The following PXK variants were observed in gnomAD, a reference collection of about 807,000 sequenced individuals.
The protein encoded by PXK is PX domain containing serine/threonine kinase like.
A neutral mutation model predicts 84.7 loss-of-function variants in PXK; 35 were observed. The observed-to-expected ratio is 0.41, with a 90% confidence interval of 0.32 to 0.55. PXK has a LOEUF of 0.55. Ranked by LOEUF, PXK falls within the 20% of genes least tolerant of loss-of-function variation. The probability of loss-of-function intolerance (pLI) is 0.21; values close to 1 mark genes in which losing one functional copy is unlikely to be tolerated. For synonymous variants in PXK, 253 were observed against 260.8 expected, an observed-to-expected ratio of 0.97 and a Z score of 0.29; for missense variants, 634 against 699.7, an observed-to-expected ratio of 0.91 and a Z score of 1.06.
chr3:58,366,312 A>T (rs1340456850), intron 2 of PXK, among the ~76,000 whole-genome samples: 3 of 152,132 alleles, frequency 2.0e-5, no homozygotes, highest in Non-Finnish European at 1.5e-5. Context: ...AGTTTGGGCC[A>T]CTACATTTTA....
intron 1 of PXK, among the ~76,000 whole-genome samples, chr3:58,351,850 G>A (rs1246092191): frequency 1.3e-5 from 2 of 152,102 alleles, no homozygotes; most frequent in South Asian, 2.1e-4. Flanking sequence ...TGCTGCCACC[G>A]TCTTCTGTGC....
chr3:58,364,079 A>C lies in PXK; in HGVS notation c.103-1795A>C, dbSNP rs543272066. The stretch of plus-strand genomic sequence containing the variant: ...TGGTGAACCAGCCTTGAGTCCCTAG[A>C]ATGAGACCCACTTGGTCATGGTATA... On this transcript the variant is annotated intron_variant, in intron 1 of 17. Transcript: ENST00000356151. This position sits in a 1 kb window ranked among gnomAD's most constrained non-coding sequence, Gnocchi z 4.3. Among the ~76,000 whole-genome samples, 2 of 152,200 alleles carry C rather than the reference A, an allele frequency of 1.3e-5. No homozygotes were observed. The highest frequency in any genetic ancestry group is 2.9e-5 in the Non-Finnish European group (2 of 68,036).
In PXK at chr3:58,421,811, G is replaced by A; in HGVS notation, c.1529-2941G>A. The A allele has an allele frequency of 1.0e-6, 1 of 985,448 alleles. No individual in the cohort carries two copies. Among genetic ancestry groups the A allele is most frequent in the Non-Finnish European group, 1.2e-6 (1 of 829,938 alleles). The allele number at this position is 985,448 out of a possible 1,614,324, so 61.0% of individuals were successfully genotyped here. On this transcript the variant is annotated intron_variant, in intron 17 of 17. Coordinates refer to ENST00000356151, the MANE Select transcript of PXK (RefSeq NM_017771.5). This position sits in a 1 kb window ranked among gnomAD's most constrained non-coding sequence, Gnocchi z 5.5. ...TCTCAGGGATTTTGTCTAAGAGAAAGTGAGATGGGAGAAATCGGGACTGAC... is the reference window on the plus strand; with the variant it reads ...TCTCAGGGATTTTGTCTAAGAGAAAATGAGATGGGAGAAATCGGGACTGAC...
At chr3:58,382,896 A>G (rs1382111869) in intron 4 of PXK, among the ~76,000 whole-genome samples, 196 bp downstream of exon 4, 1 of 152,254 alleles carries the variant, frequency 6.6e-6, no homozygotes, top group African/African-American at 2.4e-5. Flanking sequence ...GTTACTTCCA[A>G]AATATTTGTA....
chr3:58,397,607 A>G lies in PXK; in HGVS notation c.987A>G (p.Thr329=), dbSNP rs199789316. Residue 329 remains threonine (T), a splice_region_variant and synonymous_variant, in exon 11 of 18, where the codon ACA becomes ACG. Coordinates refer to ENST00000356151, the MANE Select transcript of PXK (RefSeq NM_017771.5). The surrounding 1 kb of genome is among the most constrained non-coding windows in gnomAD (Gnocchi z 4.7). ...SYFSQFRKIN[T]LESVDVHCFG... ...CGCTGCTACTCTTTCTTCCACAGAC[A>G]TTGGAAAGTGTGGATGTCCACTGCT... 4 of 1,611,250 alleles carry G rather than the reference A, an allele frequency of 2.5e-6. No individual in the cohort carries two copies. The highest frequency in any genetic ancestry group is 3.4e-6 in the Non-Finnish European group (4 of 1,177,314).
intron 13 of PXK, among the ~76,000 whole-genome samples, chr3:58,406,460 G>A (rs565806168): frequency 6.6e-6 from 1 of 150,970 alleles, no homozygotes; most frequent in Non-Finnish European, 1.5e-5. Flanking sequence ...TAATTTTTTT[G>A]TAGAGACAGA....
At position 58,369,434 on chromosome 3, in the gene PXK, G is replaced by A; in HGVS notation, c.157G>A (p.Val53Ile). 6.2e-7 allele frequency: 1 copy of A among 1,608,710 alleles called. No homozygotes were observed. Among genetic ancestry groups the A allele is most frequent in the South Asian group, 1.1e-5 (1 of 90,936 alleles). ...CACTACTTCTTGTCTCTTACAGATT[G>A]TTAGAAGATACAGTGACTTTGATTT... The part of the protein sequence containing the change: ...GISVENSWQI[V>I]RRYSDFDLLN... The change falls in exon 3 of 18, where the codon GTT becomes ATT. Residue 53 changes from valine (V) to isoleucine (I), a missense_variant. By Grantham distance (29) the Val-to-Ile change is conservative (BLOSUM62 3). Around this residue, in one of 3 missense-constraint regions of PXK, gnomAD observed 353 missense variants for 385.2 expected, o/e 0.92. Transcript: ENST00000356151.
At chr3:58,380,434 TAA>T (rs59756369) in intron 3 of PXK, among the ~76,000 whole-genome samples, 47 of 142,494 alleles carry the variant, frequency 3.3e-4, no homozygotes, top group African/African-American at 7.2e-4. Context: ...CCCTATCTCT[TAA>T]AAAAAAAAAA....
intron 13 of PXK, among the ~76,000 whole-genome samples, chr3:58,405,179 G>T (rs552356802): frequency 6.6e-6 from 1 of 152,232 alleles, no homozygotes; most frequent in South Asian, 2.1e-4. Context: ...TGGTAATGTT[G>T]GTTTCCTCCA....
chr3:58,360,086 C>T (rs538442268), intron 1 of PXK, among the ~76,000 whole-genome samples: 30 of 152,110 alleles, frequency 2.0e-4, no homozygotes, highest in Non-Finnish European at 3.8e-4. Flanking sequence ...AGGTCGAGGC[C>T]GCATGCCATT....
intron 1 of PXK, among the ~76,000 whole-genome samples, chr3:58,345,796 A>G (rs1044019825): frequency 1.3e-5 from 2 of 152,194 alleles, no homozygotes; most frequent in African/African-American, 4.8e-5. Flanking sequence ...TTTTATCGAT[A>G]TTTAAGTTAT....
At position 58,396,285 on chromosome 3, in the gene PXK, ATATT is replaced by A. The variant is rs1304021365; in HGVS notation, c.822+527_822+530del. On this transcript the variant is annotated intron_variant, in intron 9 of 17. Coordinates refer to ENST00000356151, the MANE Select transcript of PXK (RefSeq NM_017771.5). ...TACATATATGTGTATGTGTGTATAT[ATATT>A]ATATTTGTTTGGATGGAGACAGCAT... 3.9e-5 allele frequency among the ~76,000 whole-genome samples: 6 copies of A among 152,282 alleles called. No individual in the cohort carries two copies. In the South Asian group the frequency reaches 1.0e-3, roughly 26 times the overall value.
At chr3:58,387,629 G>C (rs2098567332) in intron 4 of PXK, among the ~76,000 whole-genome samples, 1 of 152,204 alleles carries the variant, frequency 6.6e-6, no homozygotes, top group Admixed American at 6.5e-5. Context: ...GCCAGGCCGA[G>C]AGGCAGTGGC....
rs943777511 is a variant in PXK at position 58,365,841 on chromosome 3, T to C, written c.103-33T>C. The C allele has an allele frequency of 2.7e-6, 4 of 1,473,954 alleles. No homozygotes were observed. In the African/African-American group the frequency reaches 5.8e-5, roughly 21 times the overall value. The allele number at this position is 1,473,954 out of a possible 1,614,324, so 91.3% of individuals were successfully genotyped here. A position where few individuals can be genotyped will look rare whatever the true frequency, so the allele number is the denominator to read the frequency against. On this transcript the variant is annotated intron_variant, in intron 1 of 17. Coordinates refer to ENST00000356151, the MANE Select transcript of PXK (RefSeq NM_017771.5). ...GCTTTGGGAATCAAACTCAGTTTTATAACTGAGGTTATTCTTCCCTTCTCT... is the reference window on the plus strand; with the variant it reads ...GCTTTGGGAATCAAACTCAGTTTTACAACTGAGGTTATTCTTCCCTTCTCT...
chr3:58,379,009 G>A lies in PXK; in HGVS notation c.202-3505G>A, dbSNP rs1010755874. Among the ~76,000 whole-genome samples the A allele has an allele frequency of 6.6e-6, 1 of 151,382 alleles. No homozygotes were observed. The highest frequency in any genetic ancestry group is 1.5e-5 in the Non-Finnish European group (1 of 67,876). ...GCAATCTTGGCTTACTGCAGCCTCCGCCTCCTGGGTTCAAGCAATTCTCCT... is the reference window on the plus strand; with the variant it reads ...GCAATCTTGGCTTACTGCAGCCTCCACCTCCTGGGTTCAAGCAATTCTCCT... On this transcript the variant is annotated intron_variant, in intron 3 of 17. Coordinates refer to ENST00000356151, the MANE Select transcript of PXK (RefSeq NM_017771.5). The surrounding 1 kb of genome is among the most constrained non-coding windows in gnomAD (Gnocchi z 5.1).
intron 3 of PXK, among the ~76,000 whole-genome samples, chr3:58,381,198 G>A (rs904128854): frequency 1.1e-4 from 16 of 144,764 alleles, no homozygotes; most frequent in South Asian, 2.2e-4. Flanking sequence ...GCAGCGAGCC[G>A]AGATCACGCC....
chr3:58,391,357 A>C (rs1482502314), intron 6 of PXK, 137 bp downstream of exon 6: 3 of 722,100 alleles, frequency 4.2e-6, no homozygotes, highest in Non-Finnish European at 4.5e-6. Flanking sequence ...TGTCAAAGAA[A>C]AGTCATTTTG....
rs1229765546 is a variant in PXK, at chr3:58,399,204, A to C, written c.1103-95A>C. 1 of 1,065,708 alleles carries C rather than the reference A, an allele frequency of 9.4e-7. No homozygotes were observed. The highest frequency in any genetic ancestry group is 1.4e-6 in the Non-Finnish European group (1 of 691,990). 66.0% of individuals were successfully genotyped at this position (1,065,708 alleles called of 1,614,324 possible). On this transcript the variant is annotated intron_variant, in intron 11 of 17. Transcript: ENST00000356151. This position sits in a 1 kb window ranked among gnomAD's most constrained non-coding sequence, Gnocchi z 4.3. ...TTTGACACTGTCCTGATCAGCCCGCAGACAGTTATTGCAAAGTGGTGTTAA... is the reference window on the plus strand; with the variant it reads ...TTTGACACTGTCCTGATCAGCCCGCCGACAGTTATTGCAAAGTGGTGTTAA...
rs114540475 is a variant in PXK, at chr3:58,362,903, A to T, written c.103-2971A>T. 4.3e-3 allele frequency among the ~76,000 whole-genome samples: 653 copies of T among 152,250 alleles called. 6 individuals carry two copies. Among genetic ancestry groups the T allele is most frequent in the African/African-American group, 0.015 (620 of 41,538 alleles). On this transcript the variant is annotated intron_variant, in intron 1 of 17. Coordinates refer to ENST00000356151, the MANE Select transcript of PXK (RefSeq NM_017771.5). ...TAATTAATTTTTTTATATTTTGTAGAGATGGAGTTTCACCATGTTGCCCAG... is the reference window on the plus strand; with the variant it reads ...TAATTAATTTTTTTATATTTTGTAGTGATGGAGTTTCACCATGTTGCCCAG...
Sources: gnomAD v4.1 joint callset for allele counts (sites outside exome capture counted in the v4.1 genomes callset) on GRCh38, gnomAD v4.1.1 for gene constraint, gnomAD v4.1.1 regional missense constraint, Gnocchi (gnomAD v3.1) non-coding constraint, MANE v1.5 for transcripts, NCBI Gene and HGNC (gene_info 2026-07-23, HGNC 2026-07-21) for gene names.